The following ZNRF3 variants were observed in gnomAD, a reference collection of about 807,000 sequenced individuals.
ZNRF3 encodes the protein zinc and ring finger 3.
A neutral mutation model predicts 72.5 loss-of-function variants in ZNRF3; 23 were observed. That is an observed-to-expected ratio of 0.32 (90% CI 0.23 to 0.45). The LOEUF is 0.45. Among genes scored for constraint, ZNRF3 ranks in the 20% least tolerant of loss-of-function variants. The pLI is 1.00. For synonymous variants in ZNRF3, 610 were observed against 545.3 expected (o/e 1.12, Z -1.65); for missense variants, 1,169 against 1,272.1 (o/e 0.92, Z 1.23).
chr22:29,042,086 A>G (rs1232600615), intron 2 of ZNRF3, among the ~76,000 whole-genome samples: 4 of 152,324 alleles, frequency 2.6e-5, no homozygotes, highest in African/African-American at 2.4e-5. Context: ...CCTCATGATT[A>G]CCATACAAGG....
intron 1 of ZNRF3, among the ~76,000 whole-genome samples, chr22:28,911,016 C>T (rs2034306092): frequency 6.6e-6 from 1 of 152,156 alleles, no homozygotes. Context: ...AACAGATCTG[C>T]TATGCTCTCT....
chr22:28,910,906 C>G (rs1235629676), intron 1 of ZNRF3, among the ~76,000 whole-genome samples: 3 of 152,144 alleles, frequency 2.0e-5, no homozygotes, highest in Admixed American at 6.5e-5. Flanking sequence ...ACTAGTGGAG[C>G]TTTTTCTAGC....
chr22:28,920,380 C>T (rs537840333), intron 1 of ZNRF3, among the ~76,000 whole-genome samples: 3 of 152,152 alleles, frequency 2.0e-5, no homozygotes, highest in African/African-American at 4.8e-5. Context: ...AAACGATTCT[C>T]GTGCCTCAGT....
chr22:28,987,853 C>A (rs2123828711), intron 2 of ZNRF3, among the ~76,000 whole-genome samples: 1 of 152,176 alleles, frequency 6.6e-6, no homozygotes, highest in East Asian at 1.9e-4. Context: ...CAATTATGGT[C>A]CTGTATTAGA....
intron 2 of ZNRF3, among the ~76,000 whole-genome samples, chr22:28,989,173 G>A (rs866382110): frequency 6.6e-6 from 1 of 152,196 alleles, no homozygotes; most frequent in Non-Finnish European, 1.5e-5. Context: ...CAGCCCCCAC[G>A]TTTCTCTGGA....
chr22:29,027,844 C>G (rs1342395598), intron 2 of ZNRF3, among the ~76,000 whole-genome samples: 1 of 152,176 alleles, frequency 6.6e-6, no homozygotes, highest in East Asian at 1.9e-4. Context: ...GAGATACCCC[C>G]TTTTCTTCCT....
At chr22:28,911,595 T>C (rs1333731399) in intron 1 of ZNRF3, among the ~76,000 whole-genome samples, 2 of 152,242 alleles carry the variant, frequency 1.3e-5, no homozygotes, top group Non-Finnish European at 2.9e-5. Flanking sequence ...TAGTAACAAA[T>C]AGCTTTCTAC....
At chr22:28,938,510 G>A (rs775897062) in intron 1 of ZNRF3, among the ~76,000 whole-genome samples, 1 of 152,134 alleles carries the variant, frequency 6.6e-6, no homozygotes, top group Non-Finnish European at 1.5e-5. Context: ...TTACTCATAG[G>A]TATCATTATC....
At chr22:29,052,302 C>G (rs2037220651) in intron 8 of ZNRF3, among the ~76,000 whole-genome samples, 1 of 152,230 alleles carries the variant, frequency 6.6e-6, no homozygotes, top group Non-Finnish European at 1.5e-5. Flanking sequence ...ACTGGTCTTG[C>G]CTTCTATTCC....
Position 29,006,437 on chromosome 22 carries a change from C to T in ZNRF3, c.426+19236C>T, listed in dbSNP as rs555806276. The stretch of plus-strand genomic sequence containing the variant: ...CATTTGGTCAGGCTGGTCTCGAACT[C>T]CTGACCTCAGGTGATCTGCCTGCCT... On this transcript the variant is annotated intron_variant, in intron 2 of 8. Transcript: ENST00000544604. 8.5e-4 allele frequency among the ~76,000 whole-genome samples: 129 copies of T among 152,220 alleles called. 2 individuals carry two copies. Among genetic ancestry groups the T allele is most frequent in the South Asian group, 5.8e-3 (28 of 4,806 alleles).
At chr22:29,032,393 A>G (rs554696160) in intron 2 of ZNRF3, among the ~76,000 whole-genome samples, 1 of 152,294 alleles carries the variant, frequency 6.6e-6, no homozygotes, top group Admixed American at 6.5e-5. Flanking sequence ...GGGGCCTGAT[A>G]CAGATCCACA....
chr22:28,957,834 T>C (rs1361113728), intron 1 of ZNRF3, among the ~76,000 whole-genome samples: 1 of 152,124 alleles, frequency 6.6e-6, no homozygotes, highest in Non-Finnish European at 1.5e-5. Flanking sequence ...AAATGTTGTG[T>C]GCAGTTTTGG....
intron 1 of ZNRF3, among the ~76,000 whole-genome samples, chr22:28,890,448 C>T (rs959255588): frequency 6.6e-6 from 1 of 152,002 alleles, no homozygotes; most frequent in African/African-American, 2.4e-5. Flanking sequence ...TACAGTAAGC[C>T]GAGATCACGC....
intron 1 of ZNRF3, chr22:28,986,640 G>GT: frequency 1.0e-6 from 1 of 985,360 alleles, no homozygotes; most frequent in Non-Finnish European, 1.2e-6. Context: ...ATCCTCTTGC[G>GT]TAAGTTGAAG....
At chr22:28,941,910 G>A (rs1479134469) in intron 1 of ZNRF3, among the ~76,000 whole-genome samples, 2 of 152,036 alleles carry the variant, frequency 1.3e-5, no homozygotes, top group African/African-American at 2.4e-5. Flanking sequence ...AGCAGAGATC[G>A]TGCCATTGCA....
chr22:28,904,279 A>C (rs1339750735), intron 1 of ZNRF3, among the ~76,000 whole-genome samples: 2 of 152,196 alleles, frequency 1.3e-5, no homozygotes, highest in Non-Finnish European at 2.9e-5. Flanking sequence ...ATTTAACTAG[A>C]TTCTGGAGGG....
At chr22:28,978,489 C>T (rs768147530) in intron 1 of ZNRF3, among the ~76,000 whole-genome samples, 1 of 152,200 alleles carries the variant, frequency 6.6e-6, no homozygotes, top group Non-Finnish European at 1.5e-5. Flanking sequence ...CTCCTCAGTG[C>T]AGGGGGCCTG....
chr22:29,015,367 G>A (rs1434431337), intron 2 of ZNRF3, among the ~76,000 whole-genome samples: 2 of 152,050 alleles, frequency 1.3e-5, no homozygotes, highest in Non-Finnish European at 2.9e-5. Flanking sequence ...TTTTGGCTTT[G>A]GGTTAATATT....
chr22:28,978,951 G>A (rs2035721418), intron 1 of ZNRF3, among the ~76,000 whole-genome samples: 1 of 152,108 alleles, frequency 6.6e-6, no homozygotes, highest in Admixed American at 6.5e-5. Flanking sequence ...CCTGGTGTAA[G>A]TTTTTGTTTT....
Sources: gnomAD v4.1 joint callset for allele counts (sites outside exome capture counted in the v4.1 genomes callset) on GRCh38, gnomAD v4.1.1 for gene constraint, MANE v1.5 for transcripts, NCBI Gene and HGNC (gene_info 2026-07-23, HGNC 2026-07-21) for gene names.